SCHIP1: variants seen among roughly 807,000 people sequenced by gnomAD.
SCHIP1 encodes schwannomin interacting protein 1.
Under a neutral mutation model 29.7 loss-of-function variants are expected in SCHIP1, and 8 were observed. The ratio of observed to expected loss-of-function variants is 0.27; its 90% confidence interval spans 0.16 to 0.49. The LOEUF is 0.49. Among genes scored for constraint, SCHIP1 ranks in the 20% least tolerant of loss-of-function variants. The pLI is 0.99. For synonymous variants in SCHIP1, 76 were observed against 94.9 expected (o/e 0.80, Z 1.16); for missense variants, 193 against 294.6 (o/e 0.66, Z 2.52).
chr3:159,366,243 C>T, the SCHIP1 span, among the ~76,000 whole-genome samples: 3 of 152,038 alleles, frequency 2.0e-5, no homozygotes, highest in Non-Finnish European at 2.9e-5. Flanking sequence ...GAACTCAGAG[C>T]GAGAGCTCAC....
chr3:159,542,002 T>C, the SCHIP1 span, among the ~76,000 whole-genome samples: 2,331 of 152,216 alleles, frequency 0.015, 68 homozygotes, highest in African/African-American at 0.053. Context: ...GAAAGTGGCT[T>C]CCAGGAACCT....
At chr3:159,688,059 G>C in the SCHIP1 span, among the ~76,000 whole-genome samples, 12 of 152,208 alleles carry the variant, frequency 7.9e-5, no homozygotes, top group African/African-American at 2.9e-4. Context: ...TGCAGTAAAT[G>C]TATGTGTGTA....
the SCHIP1 span, among the ~76,000 whole-genome samples, chr3:159,444,437 C>T: frequency 1.3e-5 from 2 of 151,884 alleles, no homozygotes; most frequent in African/African-American, 4.8e-5. Flanking sequence ...GGAGAAATGG[C>T]AGCACACAAT....
exon 7 of SCHIP1, chr3:159,896,853 C>T (rs1418568390): frequency 1.3e-5 from 18 of 1,434,592 alleles, no homozygotes; most frequent in South Asian, 2.9e-5. Context: ...CTAAAGGTGG[C>T]GCAGAAACAA....
chr3:159,320,975 C>T, the SCHIP1 span, among the ~76,000 whole-genome samples: 1 of 151,892 alleles, frequency 6.6e-6, no homozygotes, highest in South Asian at 2.1e-4. Flanking sequence ...ATTTATTTTA[C>T]TTTTTTTGAG....
chr3:159,743,421 A>G, the SCHIP1 span, among the ~76,000 whole-genome samples: 1 of 152,252 alleles, frequency 6.6e-6, no homozygotes, highest in Admixed American at 6.5e-5. Flanking sequence ...TTGATACTTA[A>G]CAACAACCTG....
At chr3:159,572,974 C>T in the SCHIP1 span, among the ~76,000 whole-genome samples, 1 of 148,804 alleles carries the variant, frequency 6.7e-6, no homozygotes, top group Admixed American at 6.8e-5. Flanking sequence ...GGTAGACCTT[C>T]CTCCATCCTT....
the SCHIP1 span, among the ~76,000 whole-genome samples, chr3:159,504,318 G>T: frequency 6.6e-6 from 1 of 152,140 alleles, no homozygotes; most frequent in African/African-American, 2.4e-5. Flanking sequence ...TCTTCTCCCA[G>T]AATATCTTGC....
the SCHIP1 span, among the ~76,000 whole-genome samples, chr3:159,551,139 T>TACAGA: frequency 1.3e-5 from 2 of 151,952 alleles, no homozygotes; most frequent in South Asian, 4.2e-4. Flanking sequence ...TGGGGAGAGG[T>TACAGA]TCTAAAGCTT....
At chr3:159,634,650 C>CTG in the SCHIP1 span, among the ~76,000 whole-genome samples, 1 of 152,192 alleles carries the variant, frequency 6.6e-6, no homozygotes, top group Non-Finnish European at 1.5e-5. Flanking sequence ...AGCCCCTGCA[C>CTG]TGTGTGTGGC....
At chr3:159,340,261 C>G in the SCHIP1 span, among the ~76,000 whole-genome samples, 1 of 151,992 alleles carries the variant, frequency 6.6e-6, no homozygotes, top group Non-Finnish European at 1.5e-5. Flanking sequence ...AACCCTCTCT[C>G]ATTTTAAGAG....
the SCHIP1 span, among the ~76,000 whole-genome samples, chr3:159,727,338 G>C: frequency 1.8e-4 from 28 of 151,918 alleles, no homozygotes; most frequent in South Asian, 8.3e-4. Flanking sequence ...TTTATTTACT[G>C]GTCTGCCTCC....
chr3:159,695,851 C>G, the SCHIP1 span, among the ~76,000 whole-genome samples: 99 of 152,240 alleles, frequency 6.5e-4, no homozygotes, highest in Admixed American at 2.0e-3. Context: ...TACAGTTGAT[C>G]CAATTCCCTT....
intron 1 of SCHIP1, chr3:159,853,485 A>G (rs956769461): frequency 1.5e-6 from 1 of 682,078 alleles, no homozygotes; most frequent in African/African-American, 1.8e-5. Flanking sequence ...TTTTGTTTAT[A>G]AACAATTGAA....
the SCHIP1 span, among the ~76,000 whole-genome samples, chr3:159,574,150 G>A: frequency 9.9e-5 from 15 of 152,272 alleles, no homozygotes; most frequent in South Asian, 2.1e-4. Context: ...GCTTTGTTCC[G>A]TTGCTGGCGA....
the SCHIP1 span, among the ~76,000 whole-genome samples, chr3:159,645,271 C>A: frequency 1.3e-5 from 2 of 152,112 alleles, no homozygotes; most frequent in Non-Finnish European, 2.9e-5. Context: ...AGGCTTGACC[C>A]TCTGATCAGG....
At chr3:159,817,512 C>T in the SCHIP1 span, among the ~76,000 whole-genome samples, 2,289 of 152,098 alleles carry the variant, frequency 0.015, 52 homozygotes, top group African/African-American at 0.051. Context: ...GGTGTTTGCC[C>T]GTATCTGTAC....
At chr3:159,582,889 G>A in the SCHIP1 span, among the ~76,000 whole-genome samples, 2 of 151,788 alleles carry the variant, frequency 1.3e-5, no homozygotes, top group Non-Finnish European at 1.5e-5. Context: ...GCAAATTAGT[G>A]TTAATTAATA....
At chr3:159,739,224 G>C in the SCHIP1 span, among the ~76,000 whole-genome samples, 35 of 152,174 alleles carry the variant, frequency 2.3e-4, no homozygotes, top group Non-Finnish European at 1.9e-4. Flanking sequence ...AAATCCTAAA[G>C]AGCCTTTAAA....
Sources: gnomAD v4.1 joint callset for allele counts (sites outside exome capture counted in the v4.1 genomes callset) on GRCh38, gnomAD v4.1.1 for gene constraint, MANE v1.5 for transcripts, NCBI Gene and HGNC (gene_info 2026-07-23, HGNC 2026-07-21) for gene names.